ZNF322: variants seen among roughly 807,000 people sequenced by gnomAD.
The protein encoded by ZNF322 is HLA complex group 12.
ZNF322 carries 1 observed loss-of-function variant against 18.3 expected under a neutral mutation model. The ratio of observed to expected loss-of-function variants is 0.05; its 90% CI spans 0.02 to 0.26. The LOEUF is 0.26. ZNF322 is among the 10% of genes least tolerant of loss of function. The pLI, the probability that ZNF322 is intolerant of heterozygous loss-of-function variation, is 1.00. For synonymous variants in ZNF322, 17 were observed against 130.7 expected (o/e 0.13, Z 5.93); for missense variants, 36 against 403.6 (o/e 0.09, Z 7.80).
Position 26,649,673 on chromosome 6 carries a change from G to GTA in ZNF322, c.-245-5946_-245-5945insTA, listed in dbSNP as rs1335031266. ...TGTGTGTGTGTGTGTGTGTGTGTGT[G>GTA]TGTATATATATATATATATATATAT... On this transcript the variant is annotated intron_variant, in intron 2 of 3. Transcript: ENST00000415922. Among the ~76,000 whole-genome samples the GTA allele has an allele frequency of 3.3e-3, 96 of 29,366 alleles. 1 individual carries two copies. The highest frequency in any genetic ancestry group is 0.012 in the African/African-American group (71 of 6,072). 19.3% of individuals were successfully genotyped at this position (29,366 alleles called of 152,430 possible).
intron 2 of ZNF322, among the ~76,000 whole-genome samples, chr6:26,646,746 A>C (rs1554148780): frequency 1.3e-5 from 2 of 152,160 alleles, no homozygotes; most frequent in African/African-American, 4.8e-5. Context: ...CATCCACAAA[A>C]ATCTGTCATA....
intron 2 of ZNF322, among the ~76,000 whole-genome samples, chr6:26,649,684 TATATATATATATATA>T (rs1561924879): frequency 6.6e-4 from 20 of 30,430 alleles, no homozygotes; most frequent in African/African-American, 1.2e-3. Context: ...TGTATATATA[TATATATATATATATA>T]TATTTTTTTT....
At chr6:26,649,618 C>A (rs1240778801) in intron 2 of ZNF322, among the ~76,000 whole-genome samples, 1 of 79,750 alleles carries the variant, frequency 1.3e-5, no homozygotes, top group Admixed American at 1.3e-4. Flanking sequence ...TTAAAGTTTT[C>A]TTTTATATAT....
chr6:26,640,944 T>C (rs2494705), intron 3 of ZNF322, among the ~76,000 whole-genome samples: 97,632 of 152,024 alleles, frequency 0.64, 31,739 homozygotes, highest in East Asian at 0.78. Flanking sequence ...TAAAGCTCAC[T>C]GAATACAGCA....
chr6:26,641,478 C>T (rs1268927613), intron 3 of ZNF322, among the ~76,000 whole-genome samples: 1 of 152,132 alleles, frequency 6.6e-6, no homozygotes, highest in Non-Finnish European at 1.5e-5. Context: ...GATTAAAATC[C>T]TACATTTCAA....
intron 3 of ZNF322, among the ~76,000 whole-genome samples, chr6:26,639,212 G>A (rs1313179370): frequency 1.3e-5 from 2 of 152,138 alleles, no homozygotes. Context: ...ACCACTGTAT[G>A]CCTCGTTTCC....
chr6:26,648,720 A>G (rs1765598687), intron 2 of ZNF322, among the ~76,000 whole-genome samples: 1 of 152,362 alleles, frequency 6.6e-6, no homozygotes, highest in South Asian at 2.1e-4. Context: ...CTACTTAGAA[A>G]TAAATAAAAC....
At chr6:26,650,171 A>C (rs1405886738) in intron 2 of ZNF322, among the ~76,000 whole-genome samples, 1 of 152,176 alleles carries the variant, frequency 6.6e-6, no homozygotes, top group African/African-American at 2.4e-5. Context: ...TAAGCAAAAG[A>C]CAATTCTCAC....
chr6:26,641,069 T>C (rs1469682771), intron 3 of ZNF322, among the ~76,000 whole-genome samples: 1 of 152,330 alleles, frequency 6.6e-6, no homozygotes, highest in African/African-American at 2.4e-5. Context: ...GGTAATGAGA[T>C]GATACATAAC....
intron 2 of ZNF322, among the ~76,000 whole-genome samples, chr6:26,651,000 C>G (rs1386042463): frequency 2.0e-5 from 3 of 152,172 alleles, no homozygotes; most frequent in Non-Finnish European, 4.4e-5. Context: ...AGTTGGAGGA[C>G]TGATGCTACC....
chr6:26,639,360 G>T (rs1208537526), intron 3 of ZNF322, among the ~76,000 whole-genome samples: 1 of 152,104 alleles, frequency 6.6e-6, no homozygotes, highest in East Asian at 1.9e-4. Flanking sequence ...TTAAGATTCT[G>T]CTTTGATATG....
At chr6:26,645,666 AC>A (rs1765544762) in intron 2 of ZNF322, among the ~76,000 whole-genome samples, 1 of 152,100 alleles carries the variant, frequency 6.6e-6, no homozygotes, top group Non-Finnish European at 1.5e-5. Flanking sequence ...AATTTTAGAA[AC>A]CCTTAAAAAC....
chr6:26,641,937 G>T (rs1186663763), intron 3 of ZNF322, among the ~76,000 whole-genome samples: 1 of 151,994 alleles, frequency 6.6e-6, no homozygotes, highest in East Asian at 1.9e-4. Flanking sequence ...GAGGATTAGT[G>T]AAAGAAGAAG....
chr6:26,649,697 A>ATTT (rs1561924958), intron 2 of ZNF322, among the ~76,000 whole-genome samples: 3 of 52,472 alleles, frequency 5.7e-5, no homozygotes, highest in African/African-American at 2.8e-4. Context: ...ATATATATAT[A>ATTT]TATATTTTTT....
rs145800080 is a variant in ZNF322, at chr6:26,648,369, T to C, written c.-245-4641A>G. 4.6e-3 allele frequency among the ~76,000 whole-genome samples: 693 copies of C among 152,282 alleles called. 6 individuals are homozygous for C. The highest frequency in any genetic ancestry group is 0.014 in the African/African-American group (566 of 41,558). On this transcript the variant is annotated intron_variant, in intron 2 of 3. Transcript: ENST00000415922. Reference sequence around the variant, plus strand: ...ATCCAGTACCTTAAGTTAGAAAAACTACAATAATTTTTACTAAGATCAGGA... The same window carrying C: ...ATCCAGTACCTTAAGTTAGAAAAACCACAATAATTTTTACTAAGATCAGGA...
chr6:26,657,813 T>C (rs1301512290), intron 2 of ZNF322, among the ~76,000 whole-genome samples: 1 of 152,064 alleles, frequency 6.6e-6, no homozygotes, highest in African/African-American at 2.4e-5. Context: ...CAAGCCCAAA[T>C]ACATCTTTCA....
At chr6:26,655,484 C>T (rs1020255151) in intron 2 of ZNF322, among the ~76,000 whole-genome samples, 2 of 152,206 alleles carry the variant, frequency 1.3e-5, no homozygotes, top group East Asian at 1.9e-4. Flanking sequence ...TGGCATGTAG[C>T]TAGCAGTACT....
chr6:26,648,661 AAC>A (rs1765597861), intron 2 of ZNF322, among the ~76,000 whole-genome samples: 1 of 152,368 alleles, frequency 6.6e-6, no homozygotes, highest in African/African-American at 2.4e-5. Flanking sequence ...AACTAATTGG[AAC>A]ACACAATGAT....
intron 3 of ZNF322, among the ~76,000 whole-genome samples, chr6:26,641,148 C>A (rs1351469463): frequency 1.3e-5 from 2 of 151,712 alleles, no homozygotes; most frequent in Admixed American, 6.6e-5. Flanking sequence ...GCTTTCCTTG[C>A]GAAAGGCACA....
Sources: allele counts gnomAD v4.1 joint callset (sites outside exome capture counted in the v4.1 genomes callset), GRCh38; gene constraint gnomAD v4.1.1; transcripts MANE v1.5; gene names NCBI Gene and HGNC (gene_info 2026-07-23, HGNC 2026-07-21).